MYH7B: variants seen among roughly 807,000 people sequenced by gnomAD.
MYH7B encodes myosin heavy chain 7B.
Under a neutral mutation model 234.5 loss-of-function variants are expected in MYH7B, and 205 were observed. The ratio of observed to expected loss-of-function variants is 0.87; its 90% confidence interval spans 0.78 to 0.98. MYH7B has a LOEUF of 0.98. Among genes scored for constraint, MYH7B ranks in the 50% least tolerant of loss-of-function variants. The pLI, the probability that MYH7B is intolerant of heterozygous loss-of-function variation, is 0.00. For missense variants in MYH7B, 2,652 were observed against 2,633.4 expected, an observed-to-expected ratio of 1.01 and a Z score of -0.15; for synonymous variants, 1,193 against 1,105.0, an observed-to-expected ratio of 1.08 and a Z score of -1.58.
At chr20:34,975,719 C>T (rs776427735) in intron 3 of MYH7B, among the ~76,000 whole-genome samples, 1 of 152,000 alleles carries the variant, frequency 6.6e-6, no homozygotes, top group African/African-American at 2.4e-5. Context: ...AAGTTTGGCA[C>T]TGTAATTTTT....
chr20:35,000,827 G>C (rs1376918728), exon 40 of MYH7B: 23 of 1,613,754 alleles, frequency 1.4e-5, no homozygotes, highest in Non-Finnish European at 1.8e-5. Flanking sequence ...AGCTGAGCGG[G>C]GAGGTGGAGG....
intron 32 of MYH7B, among the ~76,000 whole-genome samples, chr20:34,998,074 AC>A (rs1320634762): frequency 6.6e-6 from 1 of 152,086 alleles, no homozygotes; most frequent in Non-Finnish European, 1.5e-5. Flanking sequence ...TCTCACCCTG[AC>A]CCACTGCCCT....
exon 36 of MYH7B, chr20:34,999,297 C>G: frequency 6.3e-7 from 1 of 1,586,906 alleles, no homozygotes; most frequent in Non-Finnish European, 8.6e-7. Context: ...GGAGGCGGCA[C>G]AGAGGGAGTC....
At chr20:34,989,535 G>A (rs1347594146) in intron 19 of MYH7B, among the ~76,000 whole-genome samples, 6 of 152,210 alleles carry the variant, frequency 3.9e-5, no homozygotes, top group African/African-American at 1.4e-4. Flanking sequence ...GATTTTGCAG[G>A]AGGGGACTGG....
intron 3 of MYH7B, 101 bp from the exon 4 acceptor site, chr20:34,977,531 G>A: frequency 3.7e-6 from 4 of 1,088,274 alleles, no homozygotes; most frequent in African/African-American, 1.6e-5. Context: ...CCGTGCTGGT[G>A]GAGATAAAAG....
At chr20:34,963,359 T>C (rs2081715499) in intron 2 of MYH7B, among the ~76,000 whole-genome samples, 2 of 152,258 alleles carry the variant, frequency 1.3e-5, no homozygotes, top group African/African-American at 4.8e-5. Context: ...TATCTTTTCA[T>C]GTGCTTATTG....
exon 41 of MYH7B, chr20:35,001,049 TGAA>T (rs768844932): frequency 3.7e-6 from 6 of 1,613,660 alleles, no homozygotes; most frequent in Admixed American, 3.3e-5. Flanking sequence ...CTGGAACGGA[TGAA>T]GAAGACGCTG....
At chr20:35,001,855 A>G (rs2082393561) in intron 43 of MYH7B, 93 bp from the exon 44 acceptor site, 1 of 1,522,702 alleles carries the variant, frequency 6.6e-7, no homozygotes. Context: ...GTTGAGAACC[A>G]GGAGGAGCTA....
intron 32 of MYH7B, 136 bp from the exon 33 acceptor site, chr20:34,998,159 T>C: frequency 1.9e-6 from 2 of 1,060,614 alleles, no homozygotes; most frequent in East Asian, 2.4e-5. Context: ...GACTTTGAAC[T>C]TGGGGCTCTG....
At chr20:34,980,081 GGCCGT>G in intron 7 of MYH7B, 1 of 501,416 alleles carries the variant, frequency 2.0e-6, no homozygotes, top group Non-Finnish European at 3.6e-6. Flanking sequence ...GGACTATGGA[GGCCGT>G]GCGTGTGGGC....
At chr20:34,972,020 G>A (rs1013741937) in intron 2 of MYH7B, among the ~76,000 whole-genome samples, 1 of 152,032 alleles carries the variant, frequency 6.6e-6, no homozygotes, top group Non-Finnish European at 1.5e-5. Flanking sequence ...TCCATTTCCT[G>A]TCCCCTCTTG....
intron 2 of MYH7B, among the ~76,000 whole-genome samples, chr20:34,963,641 G>A (rs1411029500): frequency 2.6e-5 from 4 of 152,082 alleles, no homozygotes; most frequent in African/African-American, 4.8e-5. Context: ...TCATATCTAC[G>A]AAACCATTGC....
intron 10 of MYH7B, 121 bp from the exon 11 acceptor site, chr20:34,984,571 T>G: frequency 1.2e-6 from 1 of 838,450 alleles, no homozygotes; most frequent in Non-Finnish European, 1.9e-6. Flanking sequence ...GGCCATGCAT[T>G]CCGGTGACTA....
At chr20:34,990,703 CTTTGTGCCT>C in intron 22 of MYH7B, 26 bp from the exon 23 acceptor site, 4 of 1,605,244 alleles carry the variant, frequency 2.5e-6, no homozygotes, top group Non-Finnish European at 3.4e-6. Flanking sequence ...TCTCTGCCCC[CTTTGTGCCT>C]TTCCCTCACT....
At chr20:34,957,990 C>T (rs1224519260) in intron 1 of MYH7B, among the ~76,000 whole-genome samples, 108 bp from the exon 2 acceptor site, 1 of 152,160 alleles carries the variant, frequency 6.6e-6, no homozygotes, top group Admixed American at 6.5e-5. Context: ...CTAGAATAGG[C>T]CCCAGGTGGC....
rs781037380 is a variant in MYH7B, at chr20:34,999,344, C to T, written c.4479C>T (p.His1493=). ...GCACCGAGCTCTTCCGGCTGCGGCA[C>T]GGCCACGAGGAGGCACTTGAAGCCC... The change falls in exon 36 of 45, where the codon CAC becomes CAT. Residue 1493 remains histidine (H), a synonymous_variant. Coordinates refer to ENST00000262873, the Ensembl canonical transcript of MYH7B. The T allele has an allele frequency of 1.5e-5, 23 of 1,555,898 alleles. No individual in the cohort carries two copies. Among genetic ancestry groups the T allele is most frequent in the Admixed American group, 7.6e-5 (4 of 52,294 alleles).
At chr20:34,979,981 T>C (rs2081918459) in intron 7 of MYH7B, 177 bp downstream of exon 7, 2 of 466,214 alleles carry the variant, frequency 4.3e-6, no homozygotes, top group Non-Finnish European at 7.5e-6. Flanking sequence ...GAGGCGGGGC[T>C]CTGAGCAGTG....
chr20:34,987,664 AGT>A lies in MYH7B; in HGVS notation c.1259_1260del (p.Val420GlyfsTer16). 1.2e-6 allele frequency: 2 copies of A among 1,612,736 alleles called. No individual in the cohort carries two copies. Among genetic ancestry groups the A allele is most frequent in the Admixed American group, 3.3e-5 (2 of 59,940 alleles). Reference sequence around the variant, plus strand: ...GAACGAGTACGTGACCAAGGGCCAGAGTGTGGAGCAGGTGAGCTGCCTGCAGG... The same window carrying A: ...GAACGAGTACGTGACCAAGGGCCAGAGTGGAGCAGGTGAGCTGCCTGCAGG... On this transcript the variant is annotated frameshift_variant, in exon 17 of 45. Coordinates refer to ENST00000262873, the Ensembl canonical transcript of MYH7B. LOFTEE classifies it high-confidence loss of function.
intron 9 of MYH7B, 65 bp downstream of exon 9, chr20:34,981,125 C>G: frequency 1.3e-6 from 2 of 1,590,160 alleles, no homozygotes; most frequent in Non-Finnish European, 1.7e-6. Context: ...AGGGCGGTAC[C>G]ACAGTCATTT....
Sources: allele counts gnomAD v4.1 joint callset (sites outside exome capture counted in the v4.1 genomes callset), GRCh38; gene constraint gnomAD v4.1.1; transcripts MANE v1.5; gene names NCBI Gene and HGNC (gene_info 2026-07-23, HGNC 2026-07-21).